The following DLC1 variants were observed in gnomAD, a reference collection of about 807,000 sequenced individuals.
The protein encoded by DLC1 is rho GTPase-activating protein 7.
A neutral mutation model predicts 140.3 loss-of-function variants in DLC1; 54 were observed. The ratio of observed to expected loss-of-function variants is 0.38; its 90% CI spans 0.31 to 0.48. DLC1 has a LOEUF of 0.48. Among genes scored for constraint, DLC1 ranks in the 20% least tolerant of loss-of-function variants. The pLI, the probability that DLC1 is intolerant of heterozygous loss-of-function variation, is 0.96. For synonymous variants in DLC1, 986 were observed against 728.1 expected (o/e 1.35, Z -5.70); for missense variants, 2,536 against 1,907.0 (o/e 1.33, Z -6.14).
At chr8:13,450,499 A>G (rs1193731405) in intron 2 of DLC1, among the ~76,000 whole-genome samples, 2 of 150,878 alleles carry the variant, frequency 1.3e-5, no homozygotes, top group Non-Finnish European at 2.9e-5. Flanking sequence ...TTCTGCAGTT[A>G]CACCTTTTTA....
chr8:13,330,418 T>A (rs568278628), intron 4 of DLC1, among the ~76,000 whole-genome samples: 1 of 152,258 alleles, frequency 6.6e-6, no homozygotes, highest in Non-Finnish European at 1.5e-5. Context: ...AACTTTTGAC[T>A]GAACACAAAG....
chr8:13,252,603 C>T (rs1830056811), intron 5 of DLC1, among the ~76,000 whole-genome samples: 1 of 152,112 alleles, frequency 6.6e-6, no homozygotes, highest in Admixed American at 6.5e-5. Context: ...TATTAAAATA[C>T]TAGAAAGTAT....
intron 4 of DLC1, among the ~76,000 whole-genome samples, chr8:13,374,826 A>G (rs1231630988): frequency 6.6e-6 from 1 of 152,132 alleles, no homozygotes; most frequent in East Asian, 1.9e-4. Context: ...CCTATCCATG[A>G]GCATGGAATG....
intron 5 of DLC1, among the ~76,000 whole-genome samples, chr8:13,140,199 T>C (rs1822874010): frequency 6.6e-6 from 1 of 152,198 alleles, no homozygotes; most frequent in Non-Finnish European, 1.5e-5. Flanking sequence ...TTTCTTTCTT[T>C]CTTTTTCTTA....
intron 5 of DLC1, among the ~76,000 whole-genome samples, chr8:13,224,876 A>C (rs929136801): frequency 6.6e-5 from 10 of 152,182 alleles, no homozygotes; most frequent in African/African-American, 2.4e-4. Flanking sequence ...TTAGTTAACC[A>C]CCAAGGGCAG....
intron 8 of DLC1, among the ~76,000 whole-genome samples, chr8:13,101,995 G>A (rs1268351945): frequency 6.6e-6 from 1 of 152,098 alleles, no homozygotes; most frequent in Admixed American, 6.6e-5. Flanking sequence ...CTGGCTTCTA[G>A]GACTCTTCTG....
At chr8:13,146,998 G>T (rs1035740415) in intron 5 of DLC1, among the ~76,000 whole-genome samples, 2 of 152,132 alleles carry the variant, frequency 1.3e-5, no homozygotes, top group Non-Finnish European at 2.9e-5. Context: ...GAAGACAAAA[G>T]CTTCTCTAAA....
chr8:13,378,443 T>C (rs1045502434), intron 4 of DLC1, among the ~76,000 whole-genome samples: 2 of 152,014 alleles, frequency 1.3e-5, no homozygotes, highest in Non-Finnish European at 2.9e-5. Flanking sequence ...AGATTAAGTA[T>C]GTTAGAGTTT....
chr8:13,121,832 C>G (rs184238347), intron 5 of DLC1, among the ~76,000 whole-genome samples: 4 of 152,100 alleles, frequency 2.6e-5, no homozygotes, highest in African/African-American at 9.7e-5. Context: ...GGATTACAGG[C>G]GTGAACCACC....
chr8:13,501,313 C>A (rs946603389), intron 1 of DLC1, among the ~76,000 whole-genome samples: 7 of 151,998 alleles, frequency 4.6e-5, no homozygotes, highest in Non-Finnish European at 1.0e-4. Context: ...TTCTTCAAAC[C>A]CTTAGTTAAA....
intron 7 of DLC1, among the ~76,000 whole-genome samples, chr8:13,104,438 G>A (rs1429745512): frequency 6.6e-6 from 1 of 151,544 alleles, no homozygotes; most frequent in East Asian, 1.9e-4. Flanking sequence ...TAAACGGTAT[G>A]TACAACTATG....
intron 5 of DLC1, among the ~76,000 whole-genome samples, chr8:13,225,816 C>T (rs1255549685): frequency 2.0e-5 from 3 of 151,926 alleles, no homozygotes; most frequent in Non-Finnish European, 4.4e-5. Flanking sequence ...GGGGTTTCAC[C>T]GTGTTAGTCA....
At chr8:13,307,502 C>T (rs1170110535) in intron 4 of DLC1, among the ~76,000 whole-genome samples, 2 of 152,152 alleles carry the variant, frequency 1.3e-5, no homozygotes, top group African/African-American at 4.8e-5. Flanking sequence ...AGAATTAAAT[C>T]CAAACTATGT....
At chr8:13,124,585 T>C (rs1359716288) in intron 5 of DLC1, among the ~76,000 whole-genome samples, 1 of 152,200 alleles carries the variant, frequency 6.6e-6, no homozygotes, top group Non-Finnish European at 1.5e-5. Flanking sequence ...TGATACTCTA[T>C]CACAGAGGAC....
chr8:13,221,266 A>T (rs190615860), intron 5 of DLC1, among the ~76,000 whole-genome samples: 3 of 152,234 alleles, frequency 2.0e-5, no homozygotes. Flanking sequence ...AAATAGAGAC[A>T]TCTAGATTGG....
In DLC1 at chr8:13,085,774, C is replaced by T. The variant is rs1817500518; in HGVS notation, c.*37G>A. The T allele has an allele frequency of 6.2e-7, 1 of 1,613,204 alleles. No homozygotes were observed. Among genetic ancestry groups the T allele is most frequent in the Non-Finnish European group, 8.5e-7 (1 of 1,179,496 alleles). On this transcript the variant is annotated 3_prime_UTR_variant, in exon 18 of 18. Coordinates refer to ENST00000276297, the MANE Select transcript of DLC1 (RefSeq NM_182643.3). Reference sequence around the variant, plus strand: ...GACTGGCAAAAGTTCTAGAAACAAACACCATGGTGGTGGAAGCGGTTGCGT... The same window carrying T: ...GACTGGCAAAAGTTCTAGAAACAAATACCATGGTGGTGGAAGCGGTTGCGT...
At chr8:13,136,777 C>T (rs750571156) in intron 5 of DLC1, among the ~76,000 whole-genome samples, 9 of 152,156 alleles carry the variant, frequency 5.9e-5, no homozygotes, top group East Asian at 5.8e-4. Context: ...TCAAGTAGTC[C>T]GCCAGTCTTG....
chr8:13,132,828 A>C (rs1045857916), intron 5 of DLC1: 1 of 1,293,494 alleles, frequency 7.7e-7, no homozygotes, highest in Non-Finnish European at 1.1e-6. Flanking sequence ...GAAAGCGTTT[A>C]AAGAGCACAG....
intron 4 of DLC1, among the ~76,000 whole-genome samples, chr8:13,375,151 C>G (rs981589282): frequency 6.1e-4 from 92 of 151,708 alleles, no homozygotes; most frequent in Non-Finnish European, 8.7e-4. Context: ...CCTTAGCCTC[C>G]TGAGTAGCAG....
Sources: gnomAD v4.1 joint callset for allele counts (sites outside exome capture counted in the v4.1 genomes callset) on GRCh38, gnomAD v4.1.1 for gene constraint, MANE v1.5 for transcripts, NCBI Gene and HGNC (gene_info 2026-07-23, HGNC 2026-07-21) for gene names.